Variants in KLHL24 observed in about 807,000 individuals in gnomAD.
KLHL24 encodes kelch-like protein 24.
KLHL24 carries 29 observed loss-of-function variants against 53.4 expected under a neutral mutation model. That is an observed-to-expected ratio of 0.54 (90% CI 0.40 to 0.74). KLHL24 has a LOEUF of 0.74. Ranked by LOEUF, KLHL24 falls within the 30% of genes least tolerant of loss-of-function variation. KLHL24 has a pLI of 0.00. For synonymous variants in KLHL24, 222 were observed against 253.7 expected, an observed-to-expected ratio of 0.88 and a Z score of 1.19; for missense variants, 504 against 744.0, an observed-to-expected ratio of 0.68 and a Z score of 3.75.
intron 5 of KLHL24, among the ~76,000 whole-genome samples, chr3:183,665,617 G>A (rs993795417): frequency 5.3e-5 from 8 of 151,994 alleles, no homozygotes; most frequent in Non-Finnish European, 1.2e-4. Context: ...GGGGTTGGTG[G>A]CGGGTGCCTG....
chr3:183,666,505 G>A (rs1042611046), intron 5 of KLHL24, among the ~76,000 whole-genome samples: 1 of 151,924 alleles, frequency 6.6e-6, no homozygotes, highest in Non-Finnish European at 1.5e-5. Context: ...CAAATGATCT[G>A]CCTGCCTCAG....
chr3:183,636,226 C>T (rs116340275), intron 1 of KLHL24: 2 of 152,190 alleles, frequency 1.3e-5, no homozygotes, highest in Non-Finnish European at 2.9e-5. Context: ...TTCAGGAAGC[C>T]CGGGGGAGTG....
intron 7 of KLHL24, among the ~76,000 whole-genome samples, chr3:183,673,356 C>A (rs913256612): frequency 3.9e-5 from 6 of 151,910 alleles, no homozygotes; most frequent in Admixed American, 1.3e-4. Flanking sequence ...TTTTACCATC[C>A]CATGGAGAAG....
intron 3 of KLHL24, among the ~76,000 whole-genome samples, chr3:183,662,173 A>G (rs189025337): frequency 1.8e-4 from 28 of 152,322 alleles, no homozygotes; most frequent in Middle Eastern, 3.4e-3. Context: ...TTGCATGTAT[A>G]GAGAAAATTC....
intron 5 of KLHL24, among the ~76,000 whole-genome samples, chr3:183,670,428 A>G (rs1024371476): frequency 1.3e-5 from 2 of 152,150 alleles, no homozygotes; most frequent in African/African-American, 2.4e-5. Context: ...AATTTGCCCT[A>G]CCTTTCTCTT....
intron 3 of KLHL24, among the ~76,000 whole-genome samples, chr3:183,653,379 A>G (rs12696506): frequency 0.33 from 50,865 of 151,998 alleles, 9,365 homozygotes; most frequent in African/African-American, 0.49. Context: ...GGTGAAACAG[A>G]AGGATTTTAT....
chr3:183,681,430 A>G lies in KLHL24; in HGVS notation c.*2144A>G, dbSNP rs1234671070. 1.3e-5 allele frequency: 2 copies of G among 152,244 alleles called. No individual in the cohort carries two copies. The highest frequency in any genetic ancestry group is 2.9e-5 in the Non-Finnish European group (2 of 67,840). 9.4% of individuals were successfully genotyped at this position (152,244 alleles called of 1,614,324 possible). A position where few individuals can be genotyped will look rare whatever the true frequency, so the allele number is the denominator to read the frequency against. Reference sequence around the variant, plus strand: ...TTATATTCTAGTATTTTTCTGTTGTAAAAAGTATTAACTATTTACTTTTAT... The same window carrying G: ...TTATATTCTAGTATTTTTCTGTTGTGAAAAGTATTAACTATTTACTTTTAT... On this transcript the variant is annotated 3_prime_UTR_variant, in exon 8 of 8. Coordinates refer to ENST00000242810, the MANE Select transcript of KLHL24 (RefSeq NM_017644.3).
In KLHL24 at chr3:183,663,639, TC is replaced by T; in HGVS notation, c.1103del (p.Ser368Ter). ...TGCTCTAAGGAATGACATTCTTGTT[TC>T]AGGTAAATATAGAATTATTACAGTA... ...VCALRNDILV[S>X]GGRINSRDVW... is the part of the protein sequence containing the mutation. On this transcript the variant is annotated frameshift_variant and splice_region_variant, in exon 4 of 8. Transcript: ENST00000242810. LOFTEE classifies it high-confidence loss of function. The surrounding 1 kb of genome is among the most constrained non-coding windows in gnomAD (Gnocchi z 4.9). 1 of 1,530,486 alleles carries T rather than the reference TC, an allele frequency of 6.5e-7. No homozygotes were observed. The allele number at this position is 1,530,486 out of a possible 1,614,324, so 94.8% of individuals were successfully genotyped here.
At chr3:183,648,587 G>C (rs537166922) in intron 2 of KLHL24, among the ~76,000 whole-genome samples, 3 of 152,322 alleles carry the variant, frequency 2.0e-5, no homozygotes, top group Middle Eastern at 3.4e-3. Flanking sequence ...GAAATTCTGA[G>C]AGTATGGCAA....
chr3:183,640,020 A>G (rs1393238838), intron 1 of KLHL24, among the ~76,000 whole-genome samples: 1 of 152,198 alleles, frequency 6.6e-6, no homozygotes, highest in Non-Finnish European at 1.5e-5. Flanking sequence ...GCGAGACTCC[A>G]TCTCAATAAA....
chr3:183,653,447 A>AGGGCTT (rs1328884027), intron 3 of KLHL24, among the ~76,000 whole-genome samples: 39 of 152,336 alleles, frequency 2.6e-4, no homozygotes, highest in African/African-American at 8.9e-4. Context: ...GAACAAAGAC[A>AGGGCTT]GGGCTTGACT....
At chr3:183,649,598 C>T (rs1448837974) in intron 2 of KLHL24, among the ~76,000 whole-genome samples, 2 of 151,812 alleles carry the variant, frequency 1.3e-5, no homozygotes, top group African/African-American at 4.8e-5. Context: ...AGCTAAATTC[C>T]TCTCTAGGAA....
At chr3:183,641,709 G>A (rs13097199) in intron 1 of KLHL24, among the ~76,000 whole-genome samples, 3 of 151,674 alleles carry the variant, frequency 2.0e-5, no homozygotes, top group Admixed American at 1.3e-4. Flanking sequence ...TGGTTCCTTT[G>A]TTTTCTGGTA....
At chr3:183,653,777 C>A (rs1718470820) in intron 3 of KLHL24, among the ~76,000 whole-genome samples, 1 of 148,738 alleles carries the variant, frequency 6.7e-6, no homozygotes, top group Non-Finnish European at 1.5e-5. Flanking sequence ...TTTTTGGGGG[C>A]CTTTGCCTGG....
At chr3:183,664,584 A>G (rs1720258878) in intron 4 of KLHL24, among the ~76,000 whole-genome samples, 1 of 152,110 alleles carries the variant, frequency 6.6e-6, no homozygotes, top group Non-Finnish European at 1.5e-5. Context: ...TCAATTAAAA[A>G]AAAAACCTTT....
In KLHL24 at chr3:183,682,835, G is replaced by C. The variant is rs1577002070; in HGVS notation, c.*3549G>C. The C allele has an allele frequency of 6.6e-6, 1 of 152,066 alleles. No homozygotes were observed. The highest frequency in any genetic ancestry group is 2.1e-4 in the South Asian group (1 of 4,804). 9.4% of individuals were successfully genotyped at this position (152,066 alleles called of 1,614,324 possible). On this transcript the variant is annotated 3_prime_UTR_variant, in exon 8 of 8. Coordinates refer to ENST00000242810, the MANE Select transcript of KLHL24 (RefSeq NM_017644.3). ...CAATAGATTTTTTAAATTGCTGTGA[G>C]AACCCATATATGAAAAGAGAGGAGT...
Position 183,666,348 on chromosome 3 carries a change from A to G in KLHL24, c.1224+1309A>G, listed in dbSNP as rs150536782. ...GCCATCACTGCTCACTACAGCCTTG[A>G]CCTCCTGGACCCAAACTATCCCTTC... On this transcript the variant is annotated intron_variant, in intron 5 of 7. Coordinates refer to ENST00000242810, the MANE Select transcript of KLHL24 (RefSeq NM_017644.3). Among the ~76,000 whole-genome samples, 6 of 152,084 alleles carry G rather than the reference A, an allele frequency of 3.9e-5. No homozygotes were observed. The East Asian group carries it at 1.2e-3, about 29-fold the overall frequency.
At position 183,679,303 on chromosome 3, in the gene KLHL24, C is replaced by T. The variant is rs771067547; in HGVS notation, c.*17C>T. ...AAACTCTGAAGACAGGATACCTCAC[C>T]GAAGAAGCCACACTGATCCAAGATG... On this transcript the variant is annotated 3_prime_UTR_variant, in exon 8 of 8. Coordinates refer to ENST00000242810, the MANE Select transcript of KLHL24 (RefSeq NM_017644.3). 1.3e-5 allele frequency: 20 copies of T among 1,596,662 alleles called. No homozygotes were observed. The highest frequency in any genetic ancestry group is 3.3e-5 in the South Asian group (3 of 90,682).
chr3:183,679,336 T>G lies in KLHL24; in HGVS notation c.*50T>G. 1 of 1,412,670 alleles carries G rather than the reference T, an allele frequency of 7.1e-7. No homozygotes were observed. Among genetic ancestry groups the G allele is most frequent in the Non-Finnish European group, 1.0e-6 (1 of 1,002,644 alleles). The allele number at this position is 1,412,670 out of a possible 1,614,324, so 87.5% of individuals were successfully genotyped here. Reference sequence around the variant, plus strand: ...CCACACTGATCCAAGATGGGAGGTTTTAAAAACTCTACAGTGGGAACTTCA... The same window carrying G: ...CCACACTGATCCAAGATGGGAGGTTGTAAAAACTCTACAGTGGGAACTTCA... On this transcript the variant is annotated 3_prime_UTR_variant, in exon 8 of 8. Coordinates refer to ENST00000242810, the MANE Select transcript of KLHL24 (RefSeq NM_017644.3).
Sources: allele counts gnomAD v4.1 joint callset (sites outside exome capture counted in the v4.1 genomes callset), GRCh38; gene constraint gnomAD v4.1.1; non-coding constraint Gnocchi (gnomAD v3.1); transcripts MANE v1.5; gene names NCBI Gene and HGNC (gene_info 2026-07-23, HGNC 2026-07-21).